DPY19L3: variants seen among roughly 807,000 people sequenced by gnomAD.
The protein encoded by DPY19L3 is dpy-19 like C-mannosyltransferase 3, also known as protein C-mannosyl-transferase DPY19L3.
A neutral mutation model predicts 92.3 loss-of-function variants in DPY19L3; 51 were observed. The ratio of observed to expected loss-of-function variants is 0.55; its 90% confidence interval spans 0.44 to 0.70. DPY19L3 has a LOEUF of 0.70. Ranked by LOEUF, DPY19L3 falls within the 30% of genes least tolerant of loss-of-function variation. DPY19L3 has a pLI of 0.00. For synonymous variants in DPY19L3, 309 were observed against 315.2 expected (o/e 0.98, Z 0.21); for missense variants, 706 against 855.9 (o/e 0.82, Z 2.18).
At chr19:32,472,149 T>C (rs1970377000) in intron 16 of DPY19L3, among the ~76,000 whole-genome samples, 1 of 152,232 alleles carries the variant, frequency 6.6e-6, no homozygotes, top group South Asian at 2.1e-4. Flanking sequence ...GGGAAAGTTT[T>C]TTTTAGAATT....
At position 32,432,800 on chromosome 19, in the gene DPY19L3, G is replaced by C; in HGVS notation, c.322G>C (p.Val108Leu). ...YKQMLQAPTLVQGFHGLIYDN... is the reference protein window; with the variant it reads ...YKQMLQAPTLLQGFHGLIYDN... ...GCAGATGCTGCAGGCTCCAACCCTC[G>C]TGCAAGGTAATTACAACTGATAGTT... Residue 108 changes from valine (V) to leucine (L), a missense_variant, in exon 4 of 19, where the codon GTG (valine) becomes CTG (leucine). By Grantham distance (32) the Val-to-Leu change is conservative (BLOSUM62 1). Coordinates refer to ENST00000392250, the MANE Select transcript of DPY19L3 (RefSeq NM_001172774.2). The C allele has an allele frequency of 6.2e-7, 1 of 1,613,526 alleles. No individual in the cohort carries two copies.
chr19:32,453,099 T>A, intron 8 of DPY19L3, 46 bp from the exon 9 acceptor site: 1 of 1,608,278 alleles, frequency 6.2e-7, no homozygotes, highest in Non-Finnish European at 8.5e-7. Flanking sequence ...CATGTGATGA[T>A]CTCTTGGTAA....
chr19:32,433,713 G>A (rs777495134), intron 4 of DPY19L3, among the ~76,000 whole-genome samples: 7 of 152,114 alleles, frequency 4.6e-5, no homozygotes, highest in African/African-American at 1.4e-4. Context: ...ATGAGCCACC[G>A]CGCCCAGCCC....
At chr19:32,459,852 A>G (rs1444538022) in intron 12 of DPY19L3, among the ~76,000 whole-genome samples, 2 of 152,244 alleles carry the variant, frequency 1.3e-5, no homozygotes, top group South Asian at 2.1e-4. Context: ...TTAAAGAATC[A>G]TAGTCCAGTC....
intron 7 of DPY19L3, among the ~76,000 whole-genome samples, chr19:32,439,465 T>C (rs760459427): frequency 5.3e-5 from 8 of 152,218 alleles, no homozygotes; most frequent in Non-Finnish European, 1.2e-4. Context: ...TACCCTTAAA[T>C]AGTTGCAGCA....
chr19:32,423,785 C>G (rs901639683), intron 3 of DPY19L3, among the ~76,000 whole-genome samples: 1 of 151,870 alleles, frequency 6.6e-6, no homozygotes, highest in Non-Finnish European at 1.5e-5. Flanking sequence ...GAGGCCAAGG[C>G]GGCAGGATCG....
chr19:32,415,552 A>G (rs1474994196), intron 3 of DPY19L3, among the ~76,000 whole-genome samples: 1 of 152,226 alleles, frequency 6.6e-6, no homozygotes, highest in African/African-American at 2.4e-5. Context: ...AATGTATTAT[A>G]GTAGTGAACC....
intron 16 of DPY19L3, among the ~76,000 whole-genome samples, chr19:32,471,986 T>C (rs76855679): frequency 0.031 from 4,765 of 152,252 alleles, 95 homozygotes; most frequent in Middle Eastern, 0.088. Context: ...GGGCACCGTG[T>C]GAAGTGTGTG....
At chr19:32,464,578 T>C in intron 14 of DPY19L3, 150 bp from the exon 15 acceptor site, 1 of 463,666 alleles carries the variant, frequency 2.2e-6, no homozygotes, top group Non-Finnish European at 3.8e-6. Context: ...GGCTCACTCC[T>C]ATAATCCTAG....
chr19:32,458,481 G>C lies in DPY19L3; in HGVS notation c.1294G>C (p.Ala432Pro). The change falls in exon 12 of 19, where the codon GCA becomes CCA. Residue 432 changes from alanine (A) to proline (P), a missense_variant. Coordinates refer to ENST00000392250, the MANE Select transcript of DPY19L3 (RefSeq NM_001172774.2). ...IFVLSITVIVAFVVAFHNLSD... is the reference protein window; with the variant it reads ...IFVLSITVIVPFVVAFHNLSD... ...CGTTCTGTCCATCACAGTGATTGTA[G>C]CATTCGTTGTTGCCTTTCATAATCT... 1 of 1,611,854 alleles carries C rather than the reference G, an allele frequency of 6.2e-7. No individual in the cohort carries two copies. Among genetic ancestry groups the C allele is most frequent in the Non-Finnish European group, 8.5e-7 (1 of 1,179,514 alleles).
At chr19:32,463,023 T>A (rs1970087116) in intron 12 of DPY19L3, among the ~76,000 whole-genome samples, 1 of 152,094 alleles carries the variant, frequency 6.6e-6, no homozygotes, top group Admixed American at 6.6e-5. Context: ...ATACTCATAA[T>A]AACTGGTAAA....
chr19:32,482,241 C>T lies in DPY19L3; in HGVS notation c.*1C>T, dbSNP rs754478490. On this transcript the variant is annotated 3_prime_UTR_variant, in exon 19 of 19. Coordinates refer to ENST00000392250, the MANE Select transcript of DPY19L3 (RefSeq NM_001172774.2). ...TTACAAGCTGTCCAGAAACAAGTAG[C>T]GCAGATTTCTGCCCAGTGTCTATTT... The T allele has an allele frequency of 2.7e-5, 43 of 1,609,260 alleles. No individual in the cohort carries two copies. The highest frequency in any genetic ancestry group is 3.5e-5 in the Non-Finnish European group (41 of 1,178,640).
chr19:32,466,211 C>CAA (rs1458699335), intron 15 of DPY19L3, among the ~76,000 whole-genome samples: 1 of 152,176 alleles, frequency 6.6e-6, no homozygotes, highest in African/African-American at 2.4e-5. Flanking sequence ...AAGAAGTAAA[C>CAA]TGTCCTAGGG....
intron 3 of DPY19L3, among the ~76,000 whole-genome samples, chr19:32,423,409 T>TTTTTTTTTTTTTC: frequency 7.9e-6 from 1 of 126,382 alleles, no homozygotes; most frequent in Non-Finnish European, 1.8e-5. Context: ...CTAATTTTTT[T>TTTTTTTTTTTTTC]TTTTTTTTTT....
intron 8 of DPY19L3, among the ~76,000 whole-genome samples, chr19:32,444,386 A>G (rs963007962): frequency 6.6e-6 from 1 of 152,168 alleles, no homozygotes; most frequent in Admixed American, 6.5e-5. Flanking sequence ...AAGATAGAAC[A>G]ATTTAGAAAT....
At chr19:32,472,403 C>T (rs1212567942) in intron 16 of DPY19L3, among the ~76,000 whole-genome samples, 1 of 152,168 alleles carries the variant, frequency 6.6e-6, no homozygotes, top group Non-Finnish European at 1.5e-5. Context: ...GTGCATTCAC[C>T]TGCCTGCTGC....
chr19:32,451,611 T>C (rs558292503), intron 8 of DPY19L3, among the ~76,000 whole-genome samples: 2 of 152,228 alleles, frequency 1.3e-5, no homozygotes. Context: ...TTTTCACTTG[T>C]CAGAATGAGT....
rs1049597233 is a variant in DPY19L3, at chr19:32,474,281, A to G, written c.1698-3241A>G. 2.0e-5 allele frequency among the ~76,000 whole-genome samples: 3 copies of G among 152,244 alleles called. No individual in the cohort carries two copies. The East Asian group carries it at 5.8e-4, about 29-fold the overall frequency. The stretch of plus-strand genomic sequence containing the variant: ...TGACTTTTTGCTAATAAGGCCAGAC[A>G]TTAAGACAGTCACAACTTAATGAGC... On this transcript the variant is annotated intron_variant, in intron 16 of 18. Transcript: ENST00000392250.
intron 12 of DPY19L3, among the ~76,000 whole-genome samples, chr19:32,462,353 A>G (rs1303219468): frequency 6.6e-6 from 1 of 152,206 alleles, no homozygotes; most frequent in East Asian, 1.9e-4. Context: ...TTCATCATGC[A>G]ACACAGAATA....
Sources: gnomAD v4.1 joint callset for allele counts (sites outside exome capture counted in the v4.1 genomes callset) on GRCh38, gnomAD v4.1.1 for gene constraint, MANE v1.5 for transcripts, NCBI Gene and HGNC (gene_info 2026-07-23, HGNC 2026-07-21) for gene names.